ITCH: variants seen among roughly 807,000 people sequenced by gnomAD.
The protein encoded by ITCH is E3 ubiquitin-protein ligase Itchy homolog.
Under a neutral mutation model 126.8 loss-of-function variants are expected in ITCH, and 28 were observed. The ratio of observed to expected loss-of-function variants is 0.22; its 90% CI spans 0.16 to 0.30. The LOEUF is 0.30. Ranked by LOEUF, ITCH falls within the 10% of genes least tolerant of loss-of-function variation. The pLI, the probability that ITCH is intolerant of heterozygous loss-of-function variation, is 1.00. For missense variants in ITCH, 631 were observed against 1,032.4 expected (o/e 0.61, Z 5.33); for synonymous variants, 342 against 340.0 (o/e 1.01, Z -0.06).
In ITCH at chr20:34,383,003, A is replaced by G. The variant is rs906085316; in HGVS notation, c.-21-10788A>G. On this transcript the variant is annotated intron_variant, in intron 2 of 24. Transcript: ENST00000374864. Reference sequence around the variant, plus strand: ...GTGATCCGCCTGCCTCGGCCTCCCAAAATGCTGATATTACAGCCATGAGCC... The same window carrying G: ...GTGATCCGCCTGCCTCGGCCTCCCAGAATGCTGATATTACAGCCATGAGCC... 2.6e-5 allele frequency among the ~76,000 whole-genome samples: 4 copies of G among 151,968 alleles called. No homozygotes were observed. The South Asian group carries it at 6.2e-4, about 24-fold the overall frequency.
Position 34,444,799 on chromosome 20 carries a change from C to T in ITCH, c.966-488C>T, listed in dbSNP as rs1319687045. 3.3e-5 allele frequency among the ~76,000 whole-genome samples: 5 copies of T among 152,114 alleles called. No individual in the cohort carries two copies. In the South Asian group the frequency reaches 6.2e-4, roughly 19 times the overall value. ...GGGACTACAGATCTGCGCCACCACA[C>T]CTGGCTAATTTTTTGTATTTTTAGT... On this transcript the variant is annotated intron_variant, in intron 10 of 24. Transcript: ENST00000374864.
Position 34,437,434 on chromosome 20 carries a change from T to C in ITCH, c.522-1040T>C, listed in dbSNP as rs1437794076. ...AATCCTCCCACCTCAGCCTCCTGAG[T>C]AGCTTCGACTACAGGCGTGCCCTGC... On this transcript the variant is annotated intron_variant, in intron 7 of 24. Coordinates refer to ENST00000374864, the MANE Select transcript of ITCH (RefSeq NM_031483.7). Among the ~76,000 whole-genome samples the C allele has an allele frequency of 2.0e-5, 3 of 152,086 alleles. No homozygotes were observed. In the East Asian group the frequency reaches 5.8e-4, roughly 29 times the overall value.
intron 4 of ITCH, among the ~76,000 whole-genome samples, chr20:34,411,453 C>G (rs77318458): frequency 1.3e-5 from 2 of 151,996 alleles, no homozygotes; most frequent in African/African-American, 4.8e-5. Context: ...TGCGCCTGGC[C>G]GAGAAATATT....
At chr20:34,420,537 C>T (rs1439315286) in intron 6 of ITCH, among the ~76,000 whole-genome samples, 1 of 152,128 alleles carries the variant, frequency 6.6e-6, no homozygotes, top group African/African-American at 2.4e-5. Context: ...AATAATGCTG[C>T]TTTAAGCATT....
intron 12 of ITCH, among the ~76,000 whole-genome samples, 188 bp from the exon 13 acceptor site, chr20:34,457,202 C>A (rs1257843637): frequency 6.6e-6 from 1 of 152,118 alleles, no homozygotes; most frequent in African/African-American, 2.4e-5. Flanking sequence ...TGTAATATTT[C>A]TATAACTTCA....
chr20:34,432,264 A>G (rs1188099697), intron 7 of ITCH, among the ~76,000 whole-genome samples: 1 of 152,152 alleles, frequency 6.6e-6, no homozygotes, highest in Admixed American at 6.5e-5. Flanking sequence ...AGAAGAAAAT[A>G]TGAATAGTTA....
chr20:34,395,418 G>T (rs2038640824), intron 3 of ITCH, among the ~76,000 whole-genome samples: 1 of 152,138 alleles, frequency 6.6e-6, no homozygotes, highest in Non-Finnish European at 1.5e-5. Context: ...GATTGAGGGA[G>T]GGGAGCTGCA....
chr20:34,370,704 A>C (rs1223475895), intron 2 of ITCH, among the ~76,000 whole-genome samples: 1 of 151,880 alleles, frequency 6.6e-6, no homozygotes, highest in South Asian at 2.1e-4. Flanking sequence ...TAGATCCACA[A>C]GGTGAGAGAA....
intron 6 of ITCH, among the ~76,000 whole-genome samples, chr20:34,423,206 G>A (rs1449480952): frequency 6.6e-6 from 1 of 152,058 alleles, no homozygotes; most frequent in African/African-American, 2.4e-5. Flanking sequence ...TGTTTTTGAG[G>A]TTCATCCATG....
intron 6 of ITCH, 110 bp downstream of exon 6, chr20:34,413,989 T>G: frequency 1.0e-6 from 1 of 982,738 alleles, no homozygotes; most frequent in Non-Finnish European, 1.5e-6. Flanking sequence ...AATAAAATGT[T>G]TTTTTCTGGC....
chr20:34,488,892 A>C (rs1226065983), intron 20 of ITCH, among the ~76,000 whole-genome samples: 3 of 152,072 alleles, frequency 2.0e-5, no homozygotes, highest in African/African-American at 7.2e-5. Context: ...ACCAAAAATC[A>C]GCCAGGCGTG....
rs769762204 is a variant in ITCH at position 34,511,613 on chromosome 20, C to T, written c.*3819C>T. Among the ~76,000 whole-genome samples the T allele has an allele frequency of 6.6e-6, 1 of 152,142 alleles. No individual in the cohort carries two copies. Among genetic ancestry groups the T allele is most frequent in the Non-Finnish European group, 1.5e-5 (1 of 68,032 alleles). On this transcript the variant is annotated 3_prime_UTR_variant, in exon 25 of 25. Coordinates refer to ENST00000374864, the MANE Select transcript of ITCH (RefSeq NM_031483.7). ...AGCCCAATAATGAGGTGCAGATGAA[C>T]TGAGAAAGGAGGGAGTTTATTTCTG...
rs1978350935 is a variant in ITCH, at chr20:34,508,101, C to T, written c.*307C>T. On this transcript the variant is annotated 3_prime_UTR_variant, in exon 25 of 25. Coordinates refer to ENST00000374864, the MANE Select transcript of ITCH (RefSeq NM_031483.7). ...AATATTTTATGTGTGTCAAAAGTCT[C>T]ACTTGGGAGTAGTGTTTTTTTCTTT... 3 of 350,728 alleles carry T rather than the reference C, an allele frequency of 8.6e-6. No individual in the cohort carries two copies. The highest frequency in any genetic ancestry group is 4.2e-5 in the African/African-American group (2 of 47,288). The allele number at this position is 350,728 out of a possible 1,614,324, so 21.7% of individuals were successfully genotyped here.
intron 2 of ITCH, among the ~76,000 whole-genome samples, chr20:34,381,864 TAAA>T (rs751332155): frequency 3.9e-5 from 5 of 127,988 alleles, no homozygotes; most frequent in Non-Finnish European, 3.3e-5. Flanking sequence ...TCCCTGTCTC[TAAA>T]AAAAAAAAAA....
chr20:34,417,928 G>T (rs1358256817), intron 6 of ITCH, among the ~76,000 whole-genome samples: 1 of 149,516 alleles, frequency 6.7e-6, no homozygotes, highest in Non-Finnish European at 1.5e-5. Flanking sequence ...ACTAATACTA[G>T]TTTTCCTAAA....
At chr20:34,476,702 G>T (rs1988261922) in intron 16 of ITCH, 2 of 244,830 alleles carry the variant, frequency 8.2e-6, no homozygotes, top group Admixed American at 1.1e-4. Flanking sequence ...AGAGAACTTG[G>T]CATAAACAGG....
intron 10 of ITCH, among the ~76,000 whole-genome samples, chr20:34,444,682 C>A (rs1984216186): frequency 6.6e-6 from 1 of 152,144 alleles, no homozygotes; most frequent in Non-Finnish European, 1.5e-5. Flanking sequence ...CACTCTGTTG[C>A]CCAGGCTGGA....
At chr20:34,486,880 C>G (rs946515248) in intron 20 of ITCH, among the ~76,000 whole-genome samples, 1 of 151,680 alleles carries the variant, frequency 6.6e-6, no homozygotes, top group South Asian at 2.1e-4. Context: ...TGGGGTTTCA[C>G]CGTGTTGCCC....
chr20:34,420,894 T>C (rs186740052), intron 6 of ITCH, among the ~76,000 whole-genome samples: 1 of 152,310 alleles, frequency 6.6e-6, no homozygotes, highest in Admixed American at 6.5e-5. Flanking sequence ...GTTGCTAGGG[T>C]GTACCACTGA....
Sources: gnomAD v4.1 joint callset for allele counts (sites outside exome capture counted in the v4.1 genomes callset) on GRCh38, gnomAD v4.1.1 for gene constraint, MANE v1.5 for transcripts, NCBI Gene and HGNC (gene_info 2026-07-23, HGNC 2026-07-21) for gene names.